ZNF790: variants seen among roughly 807,000 people sequenced by gnomAD.
The protein encoded by ZNF790 is zinc finger protein 790.
ZNF790 carries 8 observed loss-of-function variants against 12.1 expected under a neutral mutation model. The ratio of observed to expected loss-of-function variants is 0.66; its 90% confidence interval spans 0.39 to 1.19. The LOEUF (loss-of-function observed/expected upper bound fraction) is 1.19. Ranked by LOEUF, ZNF790 falls within the 50% of genes most tolerant of loss-of-function variation. The pLI, the probability that ZNF790 is intolerant of heterozygous loss-of-function variation, is 0.01. For synonymous variants in ZNF790, 252 were observed against 244.3 expected (o/e 1.03, Z -0.29); for missense variants, 707 against 752.2 (o/e 0.94, Z 0.70).
At chr19:36,835,694 G>C (rs2072031495) in intron 1 of ZNF790, among the ~76,000 whole-genome samples, 1 of 152,002 alleles carries the variant, frequency 6.6e-6, no homozygotes, top group Admixed American at 6.6e-5. Flanking sequence ...TCAAGGTGTT[G>C]GTAGGGCTGT....
chr19:36,825,339 C>T (rs182113498), intron 2 of ZNF790, among the ~76,000 whole-genome samples: 25 of 152,312 alleles, frequency 1.6e-4, no homozygotes, highest in Admixed American at 1.4e-3. Flanking sequence ...AATGAAAAGT[C>T]TTTACTGTTC....
chr19:36,827,153 T>C (rs1227890110), intron 1 of ZNF790, among the ~76,000 whole-genome samples: 3,629 of 72,068 alleles, frequency 0.05, 115 homozygotes, highest in African/African-American at 0.072. Flanking sequence ...TATATATATA[T>C]ATATATATAT....
chr19:36,819,815 TC>T lies in ZNF790; in HGVS notation c.528del (p.Ala178ProfsTer13), dbSNP rs1284301444. ...GDKLNEFKEL[G>X]KAFISGSDHT... ...TGATCTGAACCAGAAATAAAGGCTT[TC>T]CCCAGTTCTTTAAATTCATTCAGTT... is the stretch of plus-strand genomic sequence containing the variant. On this transcript the variant is annotated frameshift_variant, in exon 5 of 5. Coordinates refer to ENST00000356725, the MANE Select transcript of ZNF790 (RefSeq NM_206894.4). LOFTEE classifies it low-confidence loss of function (END_TRUNC). The T allele has an allele frequency of 6.2e-7, 1 of 1,613,166 alleles. No homozygotes were observed. Among genetic ancestry groups the T allele is most frequent in the Admixed American group, 1.7e-5 (1 of 59,836 alleles).
At chr19:36,820,941 A>G (rs1421183137) in intron 4 of ZNF790, among the ~76,000 whole-genome samples, 1 of 144,612 alleles carries the variant, frequency 6.9e-6, no homozygotes, top group Non-Finnish European at 1.5e-5. Flanking sequence ...GTACATGTGC[A>G]CAATGTGCCA....
intron 4 of ZNF790, among the ~76,000 whole-genome samples, chr19:36,822,844 T>C (rs1423826329): frequency 1.3e-5 from 2 of 151,568 alleles, no homozygotes; most frequent in East Asian, 3.9e-4. Flanking sequence ...CCAGCCAGTT[T>C]TTGTTTTTGT....
chr19:36,843,404 C>T (rs1383475688), intron 1 of ZNF790, among the ~76,000 whole-genome samples: 4 of 152,164 alleles, frequency 2.6e-5, no homozygotes, highest in Non-Finnish European at 5.9e-5. Flanking sequence ...TGAGTTCAGG[C>T]CCTGTCAGGG....
chr19:36,841,849 G>A (rs181385254), upstream of ZNF790, among the ~76,000 whole-genome samples: 13 of 117,154 alleles, frequency 1.1e-4, no homozygotes, highest in East Asian at 3.9e-3. Flanking sequence ...ACTCCATCTC[G>A]GGGTGGGGGG....
At position 36,818,832 on chromosome 19, in the gene ZNF790, C is replaced by T. The variant is rs1345022186; in HGVS notation, c.1512G>A (p.Arg504=). 6.2e-7 allele frequency: 1 copy of T among 1,613,340 alleles called. No homozygotes were observed. Among genetic ancestry groups the T allele is most frequent in the South Asian group, 1.1e-5 (1 of 91,032 alleles). ...TTCCACATTCTTCACATTCATATGG[C>T]CTCTTTCCAGTATGAATTTTCTGGT... ...NRHQKIHTGK[R]PYECEECGKA... The change falls in exon 5 of 5, where the codon AGG becomes AGA. Residue 504 remains arginine, a synonymous_variant. Coordinates refer to ENST00000356725, the MANE Select transcript of ZNF790 (RefSeq NM_206894.4).
At chr19:36,845,467 A>C (rs1440338086) in intron 1 of ZNF790, among the ~76,000 whole-genome samples, 1 of 152,106 alleles carries the variant, frequency 6.6e-6, no homozygotes, top group Non-Finnish European at 1.5e-5. Context: ...AAGTATGTGA[A>C]TATAAATGAA....
Position 36,825,642 on chromosome 19 carries a change from A to G in ZNF790, c.-23T>C, listed in dbSNP as rs542144268. 1 of 1,614,076 alleles carries G rather than the reference A, an allele frequency of 6.2e-7. No homozygotes were observed. Among genetic ancestry groups the G allele is most frequent in the African/African-American group, 1.3e-5 (1 of 75,054 alleles). ...CATGACTTAACATTCCAAGTCCACC[A>G]GTCCTTCTCTGGATTCTTTCTTGGT... On this transcript the variant is annotated 5_prime_UTR_variant, in exon 2 of 5. Transcript: ENST00000356725.
At chr19:36,843,002 C>CAAAAA (rs59705640), upstream of ZNF790, among the ~76,000 whole-genome samples, 1 of 65,540 alleles carries the variant, frequency 1.5e-5, no homozygotes, top group Non-Finnish European at 3.1e-5. Context: ...GACTCCATCT[C>CAAAAA]AAAAAAAAAA....
At chr19:36,830,489 G>A (rs1201072128) in intron 1 of ZNF790, among the ~76,000 whole-genome samples, 1 of 152,068 alleles carries the variant, frequency 6.6e-6, no homozygotes, top group Non-Finnish European at 1.5e-5. Context: ...GATATACTTT[G>A]TCTCGTTTCA....
chr19:36,820,465 A>G (rs2071643414), intron 4 of ZNF790, among the ~76,000 whole-genome samples: 1 of 152,348 alleles, frequency 6.6e-6, no homozygotes, highest in East Asian at 1.9e-4. Context: ...GAGCTTAAAA[A>G]TAGGAATGCT....
In ZNF790 at chr19:36,820,022, T is replaced by C; in HGVS notation, c.322A>G (p.Lys108Glu). 6.2e-7 allele frequency: 1 copy of C among 1,613,788 alleles called. No individual in the cohort carries two copies. Among genetic ancestry groups the C allele is most frequent in the Non-Finnish European group, 8.5e-7 (1 of 1,180,024 alleles). ...CATAAACAGTCAAGGCTGTGGTTTTTACAAATTCTCATTATTTCCAATTGG... is the reference window on the plus strand; with the variant it reads ...CATAAACAGTCAAGGCTGTGGTTTTCACAAATTCTCATTATTTCCAATTGG... ...IAQLEIMRIC[K>E]NHSLDCLCFR... Residue 108 changes from lysine (K) to glutamate (E), a missense_variant, in exon 5 of 5, where the codon AAA becomes GAA. By Grantham distance (56) the Lys-to-Glu change is moderately conservative. Coordinates refer to ENST00000356725, the MANE Select transcript of ZNF790 (RefSeq NM_206894.4).
intron 1 of ZNF790, among the ~76,000 whole-genome samples, chr19:36,847,409 T>C (rs2072190213): frequency 6.6e-6 from 1 of 152,110 alleles, no homozygotes; most frequent in Non-Finnish European, 1.5e-5. Flanking sequence ...TCCTTGGTTA[T>C]GTTCTGAATG....
intron 1 of ZNF790, among the ~76,000 whole-genome samples, chr19:36,833,182 A>G (rs1004952666): frequency 5.9e-5 from 9 of 152,180 alleles, no homozygotes; most frequent in Non-Finnish European, 1.3e-4. Context: ...TCGCTCTGTC[A>G]CCCAGGCTGG....
intron 1 of ZNF790, among the ~76,000 whole-genome samples, chr19:36,846,550 C>G (rs565503411): frequency 2.6e-5 from 4 of 151,080 alleles, no homozygotes; most frequent in African/African-American, 9.7e-5. Flanking sequence ...GGCGACAGAG[C>G]GAGACTCCGT....
rs537176712 is a variant in ZNF790 at position 36,831,356 on chromosome 19, T to C, written c.-73-5664A>G. On this transcript the variant is annotated intron_variant, in intron 1 of 4. Transcript: ENST00000356725. ...TCAGGAGAGAGAAGAAAGTAATAGA[T>C]AGACCATAGATGGGAGTTAGTGGAA... Among the ~76,000 whole-genome samples the C allele has an allele frequency of 6.9e-5, 10 of 145,688 alleles. No individual in the cohort carries two copies. In the South Asian group the frequency reaches 1.7e-3, roughly 25 times the overall value.
At chr19:36,847,488 G>A (rs569712732) in intron 1 of ZNF790, among the ~76,000 whole-genome samples, 81 of 151,130 alleles carry the variant, frequency 5.4e-4, no homozygotes, top group Non-Finnish European at 9.0e-4. Flanking sequence ...AGCCCTTCAC[G>A]CCTGTAATCC....
Sources: allele counts gnomAD v4.1 joint callset (sites outside exome capture counted in the v4.1 genomes callset), GRCh38; gene constraint gnomAD v4.1.1; transcripts MANE v1.5; gene names NCBI Gene and HGNC (gene_info 2026-07-23, HGNC 2026-07-21).